AHI1: variants seen among roughly 807,000 people sequenced by gnomAD.
AHI1 encodes jouberin.
In AHI1, 123 loss-of-function variants were observed where a neutral mutation model predicts 149.3. That is an observed-to-expected ratio of 0.82 (90% confidence interval 0.71 to 0.96). AHI1 has a LOEUF of 0.96. Among genes scored for constraint, AHI1 ranks in the 40% least tolerant of loss-of-function variants. AHI1 has a pLI of 0.00. For missense variants in AHI1, 1,439 were observed against 1,422.7 expected (o/e 1.01, Z -0.18); for synonymous variants, 475 against 459.8 (o/e 1.03, Z -0.42).
intron 4 of AHI1, among the ~76,000 whole-genome samples, chr6:135,491,922 T>C (rs1483299065): frequency 6.6e-6 from 1 of 152,228 alleles, no homozygotes; most frequent in Non-Finnish European, 1.5e-5. Context: ...AGATTGCCAA[T>C]GCTTGTGGTG....
At chr6:135,311,328 C>T (rs1785182423) in intron 26 of AHI1, among the ~76,000 whole-genome samples, 1 of 137,666 alleles carries the variant, frequency 7.3e-6, no homozygotes, top group African/African-American at 2.7e-5. Context: ...AAAAAGATGT[C>T]AAAGATATAT....
chr6:135,382,207 C>G (rs922882772), intron 23 of AHI1, among the ~76,000 whole-genome samples: 1 of 152,164 alleles, frequency 6.6e-6, no homozygotes, highest in Non-Finnish European at 1.5e-5. Flanking sequence ...TGACCAGTCA[C>G]GCATATAGTC....
chr6:135,459,765 T>C (rs1205230210), intron 8 of AHI1, among the ~76,000 whole-genome samples: 1 of 145,116 alleles, frequency 6.9e-6, no homozygotes. Flanking sequence ...AAAAGATTGA[T>C]AATAAAGAGA....
At chr6:135,416,441 G>T (rs1782394851) in intron 20 of AHI1, among the ~76,000 whole-genome samples, 1 of 151,822 alleles carries the variant, frequency 6.6e-6, no homozygotes, top group Non-Finnish European at 1.5e-5. Flanking sequence ...AGGGTAGTTA[G>T]TGTGTACTGA....
At position 135,433,192 on chromosome 6, in the gene AHI1, A is replaced by G; in HGVS notation, c.2101T>C (p.Tyr701His). 1 of 1,613,070 alleles carries G rather than the reference A, an allele frequency of 6.2e-7. No homozygotes were observed. Among genetic ancestry groups the G allele is most frequent in the Non-Finnish European group, 8.5e-7 (1 of 1,179,132 alleles). Reference sequence around the variant, plus strand: ...ACAGCTGGATGGAATTTAGCCGTGTAAACAAAAGAAGGATGAGGTAAAACT... The same window carrying G: ...ACAGCTGGATGGAATTTAGCCGTGTGAACAAAAGAAGGATGAGGTAAAACT... ...FRVLPHPSFV[Y>H]TAKFHPAVRE... The change falls in exon 16 of 29, where the codon TAC (tyrosine) becomes CAC (histidine). Residue 701 changes from tyrosine (Y) to histidine (H), a missense_variant. Physicochemically the swap from Tyr to His is moderately conservative, Grantham distance 83. Coordinates refer to ENST00000265602, the MANE Select transcript of AHI1 (RefSeq NM_001134831.2).
At chr6:135,443,295 A>T (rs1328279167) in intron 13 of AHI1, among the ~76,000 whole-genome samples, 1 of 152,206 alleles carries the variant, frequency 6.6e-6, no homozygotes, top group Non-Finnish European at 1.5e-5. Context: ...CTTCTACCAG[A>T]TGAAGCCCAA....
chr6:135,323,123 T>C (rs1361057837), intron 25 of AHI1, 39 bp downstream of exon 25: 2 of 1,569,546 alleles, frequency 1.3e-6, no homozygotes, highest in Non-Finnish European at 1.7e-6. Context: ...CTATCAGTTA[T>C]ACCATACTAG....
At chr6:135,356,174 G>GT (rs1040029773) in intron 24 of AHI1, among the ~76,000 whole-genome samples, 15 of 152,054 alleles carry the variant, frequency 9.9e-5, no homozygotes, top group African/African-American at 3.4e-4. Context: ...CTCCCTTTCT[G>GT]TTTTTTTCTC....
Position 135,302,786 on chromosome 6 carries a change from G to A in AHI1, c.3427-2228C>T. 3.1e-6 allele frequency: 4 copies of A among 1,288,910 alleles called. No homozygotes were observed. The African/African-American group carries it at 4.6e-5, about 15-fold the overall frequency. 79.8% of individuals were successfully genotyped at this position (1,288,910 alleles called of 1,614,324 possible). A position where few individuals can be genotyped will look rare whatever the true frequency, so the allele number is the denominator to read the frequency against. Reference sequence around the variant, plus strand: ...AGGCAGAAGCAGGGGGAAGAAGGAGGTGTCTCTGTGAGCTGTTTTGTTTTA... The same window carrying A: ...AGGCAGAAGCAGGGGGAAGAAGGAGATGTCTCTGTGAGCTGTTTTGTTTTA... On this transcript the variant is annotated intron_variant, in intron 26 of 28. Coordinates refer to ENST00000265602, the MANE Select transcript of AHI1 (RefSeq NM_001134831.2).
chr6:135,406,116 G>C (rs867703879), intron 21 of AHI1, among the ~76,000 whole-genome samples: 7 of 152,172 alleles, frequency 4.6e-5, no homozygotes, highest in African/African-American at 1.7e-4. Flanking sequence ...ACTGCATGTT[G>C]CTGCCACAGC....
At chr6:135,459,478 A>G (rs2128085376) in intron 8 of AHI1, among the ~76,000 whole-genome samples, 1 of 152,232 alleles carries the variant, frequency 6.6e-6, no homozygotes, top group South Asian at 2.1e-4. Flanking sequence ...ATAAGTACAA[A>G]GAAGGAAAAT....
chr6:135,469,210 C>T (rs1034939542), intron 5 of AHI1, among the ~76,000 whole-genome samples: 6 of 152,142 alleles, frequency 3.9e-5, no homozygotes, highest in Admixed American at 3.9e-4. Flanking sequence ...TCAACATACG[C>T]AAATCAATAA....
intron 21 of AHI1, among the ~76,000 whole-genome samples, chr6:135,406,190 C>T (rs888430650): frequency 2.0e-5 from 3 of 152,184 alleles, no homozygotes; most frequent in Non-Finnish European, 4.4e-5. Context: ...TTGAGAACAT[C>T]GGTATATCTC....
intron 28 of AHI1, among the ~76,000 whole-genome samples, chr6:135,288,093 T>G (rs1781907089): frequency 6.6e-6 from 1 of 151,754 alleles, no homozygotes; most frequent in Non-Finnish European, 1.5e-5. Context: ...AGACTCCCTC[T>G]CAAAAAAACA....
At chr6:135,339,469 C>CCAAA (rs769114097) in intron 24 of AHI1, among the ~76,000 whole-genome samples, 3 of 151,848 alleles carry the variant, frequency 2.0e-5, no homozygotes, top group African/African-American at 7.3e-5. Flanking sequence ...ATGTACCTCA[C>CCAAA]CAAACAAACA....
chr6:135,475,753 T>C (rs1403557608), intron 5 of AHI1, among the ~76,000 whole-genome samples: 6 of 152,204 alleles, frequency 3.9e-5, no homozygotes, highest in Admixed American at 2.6e-4. Context: ...TGGTTTCTCC[T>C]GGGCTGTGTC....
At chr6:135,430,076 C>A (rs1784436775) in intron 17 of AHI1, 76 bp from the exon 18 acceptor site, 1 of 750,736 alleles carries the variant, frequency 1.3e-6, no homozygotes, top group Non-Finnish European at 2.2e-6. Context: ...CAAAATTAAT[C>A]TTAAAATATC....
At chr6:135,442,001 G>C (rs1786374434) in intron 14 of AHI1, among the ~76,000 whole-genome samples, 1 of 152,130 alleles carries the variant, frequency 6.6e-6, no homozygotes, top group Non-Finnish European at 1.5e-5. Flanking sequence ...CTGCAGAGGA[G>C]AGCTGGTTTT....
chr6:135,392,427 C>T (rs964673936), intron 23 of AHI1, among the ~76,000 whole-genome samples: 1 of 152,118 alleles, frequency 6.6e-6, no homozygotes, highest in Non-Finnish European at 1.5e-5. Context: ...AGCATGTAAA[C>T]CCACTTACAT....
Sources: allele counts gnomAD v4.1 joint callset (sites outside exome capture counted in the v4.1 genomes callset), GRCh38; gene constraint gnomAD v4.1.1; transcripts MANE v1.5; gene names NCBI Gene and HGNC (gene_info 2026-07-23, HGNC 2026-07-21).